Variants in PKNOX2 observed in about 807,000 individuals in gnomAD.
PKNOX2 encodes PBX/knotted 1 homeobox 2.
In PKNOX2, 14 loss-of-function variants were observed where a neutral mutation model predicts 53.1. The ratio of observed to expected loss-of-function variants is 0.26; its 90% CI spans 0.17 to 0.41. The LOEUF (loss-of-function observed/expected upper bound fraction) is 0.41. Among genes scored for constraint, PKNOX2 ranks in the 10% least tolerant of loss-of-function variants. The pLI is 1.00. For missense variants in PKNOX2, 496 were observed against 602.8 expected (o/e 0.82, Z 1.85); for synonymous variants, 257 against 242.8 (o/e 1.06, Z -0.54).
intron 2 of PKNOX2, among the ~76,000 whole-genome samples, chr11:125,277,814 T>C (rs547508584): frequency 6.6e-6 from 1 of 152,338 alleles, no homozygotes; most frequent in African/African-American, 2.4e-5. Context: ...TTTGAGGTGA[T>C]GGATATCCCA....
At chr11:125,203,783 T>C (rs1591479830) in intron 1 of PKNOX2, among the ~76,000 whole-genome samples, 1 of 152,124 alleles carries the variant, frequency 6.6e-6, no homozygotes, top group Non-Finnish European at 1.5e-5. Flanking sequence ...TCACTTTAAC[T>C]CACTGCATGG....
At chr11:125,263,475 T>TG (rs1380373863) in intron 2 of PKNOX2, among the ~76,000 whole-genome samples, 1 of 152,204 alleles carries the variant, frequency 6.6e-6, no homozygotes, top group Admixed American at 6.5e-5. Flanking sequence ...GCATCCCTGC[T>TG]GGGGGAGCGT....
chr11:125,190,426 C>T (rs896804707), intron 1 of PKNOX2, among the ~76,000 whole-genome samples: 1 of 152,184 alleles, frequency 6.6e-6, no homozygotes, highest in African/African-American at 2.4e-5. Flanking sequence ...ATACTTGTGC[C>T]ACTTACTTCC....
intron 2 of PKNOX2, among the ~76,000 whole-genome samples, chr11:125,302,911 C>T (rs559821413): frequency 6.6e-6 from 1 of 152,328 alleles, no homozygotes; most frequent in Admixed American, 6.5e-5. Flanking sequence ...GTGTGCAGCT[C>T]CACCCTAGCT....
Position 125,414,020 on chromosome 11 carries a change from A to G in PKNOX2, c.936+2155A>G, listed in dbSNP as rs12365261. ...TTAGCCTGAGACTGGAGGGTCACCC[A>G]TCTCTGTCCCTCCTGGTCATGCCTG... On this transcript the variant is annotated intron_variant, in intron 10 of 12. Transcript: ENST00000298282. Among the ~76,000 whole-genome samples, 1,448 of 152,006 alleles carry G rather than the reference A, an allele frequency of 9.5e-3. 26 individuals carry two copies. Among genetic ancestry groups the G allele is most frequent in the African/African-American group, 0.033 (1,386 of 41,436 alleles).
In PKNOX2 at chr11:125,364,542, C is replaced by T. The variant is rs1465018727; in HGVS notation, c.88-3304C>T. Among the ~76,000 whole-genome samples the T allele has an allele frequency of 2.0e-5, 3 of 152,160 alleles. No homozygotes were observed. The East Asian group carries it at 5.8e-4, about 29-fold the overall frequency. On this transcript the variant is annotated intron_variant, in intron 4 of 12. Coordinates refer to ENST00000298282, the MANE Select transcript of PKNOX2 (RefSeq NM_001382323.2). ...TCCCAAGAGCTCAGCTAACAGAAGC[C>T]GCTTGTGGATTCCTTCAAGGACACG...
intron 2 of PKNOX2, among the ~76,000 whole-genome samples, chr11:125,314,943 G>T (rs373936503): frequency 1.4e-3 from 219 of 152,288 alleles, no homozygotes; most frequent in African/African-American, 5.0e-3. Flanking sequence ...AGAAGCCCCA[G>T]GCAGGCTGGG....
intron 2 of PKNOX2, among the ~76,000 whole-genome samples, chr11:125,242,662 A>G (rs1276257686): frequency 7.0e-6 from 1 of 143,502 alleles, no homozygotes; most frequent in African/African-American, 2.5e-5. Context: ...CGGGGCAGGG[A>G]TGGGGGGAGG....
At chr11:125,192,850 G>A (rs912468890) in intron 1 of PKNOX2, among the ~76,000 whole-genome samples, 18 of 152,296 alleles carry the variant, frequency 1.2e-4, no homozygotes, top group African/African-American at 4.3e-4. Flanking sequence ...CTTTTTTGAG[G>A]GAAAGAAATC....
intron 1 of PKNOX2, among the ~76,000 whole-genome samples, chr11:125,175,442 C>A (rs768692146): frequency 6.6e-6 from 1 of 152,174 alleles, no homozygotes; most frequent in Non-Finnish European, 1.5e-5. Flanking sequence ...CAGGTAAAGG[C>A]AGAAGAAGGA....
intron 3 of PKNOX2, among the ~76,000 whole-genome samples, chr11:125,349,578 A>G (rs1951187114): frequency 1.3e-5 from 2 of 152,016 alleles, no homozygotes; most frequent in South Asian, 4.2e-4. Context: ...CTCCCTGTGC[A>G]TTCTCCACCC....
intron 1 of PKNOX2, among the ~76,000 whole-genome samples, chr11:125,208,937 C>T (rs1043373112): frequency 7.9e-5 from 12 of 151,990 alleles, no homozygotes; most frequent in Non-Finnish European, 1.5e-4. Context: ...ATGGCAGCTG[C>T]ACTGGAGTTG....
At chr11:125,252,477 G>A (rs1052077646) in intron 2 of PKNOX2, among the ~76,000 whole-genome samples, 49 of 152,332 alleles carry the variant, frequency 3.2e-4, no homozygotes, top group African/African-American at 8.9e-4. Context: ...TGTTGCCAGA[G>A]ATTATGATGA....
At chr11:125,226,273 CAGTG>C (rs1591487355) in intron 1 of PKNOX2, among the ~76,000 whole-genome samples, 2 of 152,172 alleles carry the variant, frequency 1.3e-5, no homozygotes, top group African/African-American at 4.8e-5. Flanking sequence ...AATGTGAACC[CAGTG>C]AGTATCTTCT....
chr11:125,399,380 A>C (rs1053149804), intron 7 of PKNOX2, among the ~76,000 whole-genome samples: 38 of 152,228 alleles, frequency 2.5e-4, no homozygotes, highest in African/African-American at 8.4e-4. Flanking sequence ...GAGGACAATA[A>C]TTGCTCAACG....
chr11:125,407,541 A>G (rs1177343328), intron 7 of PKNOX2, among the ~76,000 whole-genome samples: 2 of 152,282 alleles, frequency 1.3e-5, no homozygotes, highest in Admixed American at 6.5e-5. Context: ...ATTCCAAACA[A>G]GGGATTGAGA....
chr11:125,216,426 A>T (rs1007461048), intron 1 of PKNOX2, among the ~76,000 whole-genome samples: 2 of 152,194 alleles, frequency 1.3e-5, no homozygotes, highest in Non-Finnish European at 2.9e-5. Context: ...AACTCAGGGC[A>T]GTCCTGGTAG....
chr11:125,300,107 G>A (rs889885182), intron 2 of PKNOX2, among the ~76,000 whole-genome samples: 2 of 152,224 alleles, frequency 1.3e-5, no homozygotes, highest in Admixed American at 6.5e-5. Context: ...CCGTGTGAGC[G>A]GTTGGAGAGG....
chr11:125,201,915 A>G (rs895549766), intron 1 of PKNOX2, among the ~76,000 whole-genome samples: 10 of 152,314 alleles, frequency 6.6e-5, no homozygotes, highest in African/African-American at 2.4e-4. Context: ...GCTGGGGGTC[A>G]CGAGCTGCCT....
Sources: allele counts gnomAD v4.1 joint callset (sites outside exome capture counted in the v4.1 genomes callset), GRCh38; gene constraint gnomAD v4.1.1; transcripts MANE v1.5; gene names NCBI Gene and HGNC (gene_info 2026-07-23, HGNC 2026-07-21).